TTC13: variants seen among roughly 807,000 people sequenced by gnomAD.
TTC13 encodes the protein tetratricopeptide repeat domain 13.
A neutral mutation model predicts 120.0 loss-of-function variants in TTC13; 62 were observed. The observed-to-expected ratio is 0.52, with a 90% CI of 0.42 to 0.64. The LOEUF is 0.64. TTC13 is among the 30% of genes least tolerant of loss of function. TTC13 has a pLI of 0.00. For synonymous variants in TTC13, 384 were observed against 393.5 expected (o/e 0.98, Z 0.28); for missense variants, 824 against 1,050.2 (o/e 0.78, Z 2.98).
intron 17 of TTC13, 131 bp downstream of exon 17, chr1:230,920,379 G>T (rs1324484555): frequency 6.9e-6 from 4 of 583,614 alleles, no homozygotes; most frequent in Middle Eastern, 2.9e-4. Flanking sequence ...TTTTATTTTG[G>T]TTATTATTCA....
chr1:230,943,084 G>A (rs1674659079), intron 6 of TTC13, among the ~76,000 whole-genome samples: 1 of 152,104 alleles, frequency 6.6e-6, no homozygotes, highest in African/African-American at 2.4e-5. Context: ...GCTTCCAAGG[G>A]CTGTGAATTC....
chr1:230,908,849 G>C (rs973598120), intron 21 of TTC13, 58 bp from the exon 22 acceptor site: 86 of 1,605,088 alleles, frequency 5.4e-5, no homozygotes, highest in Non-Finnish European at 7.0e-5. Flanking sequence ...GGCTCGGCTG[G>C]AGATCTATGT....
At position 230,924,931 on chromosome 1, in the gene TTC13, C is replaced by T. The variant is rs536933249; in HGVS notation, c.1631G>A (p.Arg544His). ...TCGAACTTTCGAGTTGGTCCATGTA[C>T]GCTGCACGGCTTGCATGACCTCCAA... is the stretch of plus-strand genomic sequence containing the variant. ...AALEVMQAVQ[R>H]TWTNSKVRMN... The change falls in exon 14 of 23, where the codon CGT becomes CAT. Residue 544 changes from arginine (R) to histidine (H), a missense_variant. Around this residue, in one of 4 missense-constraint regions of TTC13, gnomAD observed 430 missense variants for 626.8 expected, o/e 0.69. Coordinates refer to ENST00000366661, the MANE Select transcript of TTC13 (RefSeq NM_024525.5). 2.5e-5 allele frequency: 41 copies of T among 1,614,216 alleles called. No homozygotes were observed. The highest frequency in any genetic ancestry group is 1.0e-4 in the Admixed American group (6 of 60,030).
At chr1:230,977,304 T>C (rs1287980052) in intron 1 of TTC13, among the ~76,000 whole-genome samples, 1 of 152,152 alleles carries the variant, frequency 6.6e-6, no homozygotes, top group African/African-American at 2.4e-5. Flanking sequence ...GTGAGGAAAA[T>C]AAAACCCCAC....
At chr1:230,922,604 C>T (rs568457453) in intron 15 of TTC13, among the ~76,000 whole-genome samples, 2 of 152,212 alleles carry the variant, frequency 1.3e-5, no homozygotes, top group African/African-American at 2.4e-5. Context: ...CACCACCAGG[C>T]GTAATGAGTT....
chr1:230,970,932 G>A (rs1050056799), intron 1 of TTC13, among the ~76,000 whole-genome samples: 3 of 152,174 alleles, frequency 2.0e-5, no homozygotes, highest in Non-Finnish European at 4.4e-5. Flanking sequence ...CCCAGGTATA[G>A]GGTAAACCTG....
At chr1:230,957,307 G>A (rs1676185723) in intron 3 of TTC13, among the ~76,000 whole-genome samples, 1 of 152,140 alleles carries the variant, frequency 6.6e-6, no homozygotes, top group African/African-American at 2.4e-5. Flanking sequence ...AGGCACGGTG[G>A]TGTGCACCTG....
At chr1:230,943,631 C>T (rs892516383) in intron 6 of TTC13, among the ~76,000 whole-genome samples, 175 bp downstream of exon 6, 3 of 152,136 alleles carry the variant, frequency 2.0e-5, no homozygotes, top group African/African-American at 7.2e-5. Flanking sequence ...AGGAATATCA[C>T]TCAATCCATA....
intron 4 of TTC13, 136 bp from the exon 5 acceptor site, chr1:230,945,590 G>T: frequency 1.3e-6 from 1 of 768,192 alleles, no homozygotes; most frequent in South Asian, 1.4e-5. Context: ...AAGTCAATAC[G>T]CAGTCTCCAA....
In TTC13 at chr1:230,945,442, G is replaced by T. The variant is rs1674896663; in HGVS notation, c.526C>A (p.Leu176Met). Residue 176 changes from leucine (L) to methionine (M), a missense_variant, in exon 5 of 23, where the codon CTG (leucine) becomes ATG (methionine). By Grantham distance (15) the Leu-to-Met change is conservative. Around this residue, in one of 4 missense-constraint regions of TTC13, gnomAD observed 430 missense variants for 626.8 expected, o/e 0.69. Transcript: ENST00000366661. ...CCTCGGCCATAAATTGCACTAACCA[G>T]ATCAGGCTCCTCCTAGTCAGACCAA... ...FSTMLQEEPD[L>M]VSAIYGRGIA... 2 of 1,614,028 alleles carry T rather than the reference G, an allele frequency of 1.2e-6. No homozygotes were observed. The highest frequency in any genetic ancestry group is 1.7e-6 in the Non-Finnish European group (2 of 1,179,966).
chr1:230,918,247 A>G (rs4846879), intron 17 of TTC13, among the ~76,000 whole-genome samples: 71,955 of 152,084 alleles, frequency 0.47, 17,559 homozygotes, highest in Admixed American at 0.57. Flanking sequence ...AGTCTACTAT[A>G]TATAGCTTGG....
intron 3 of TTC13, among the ~76,000 whole-genome samples, 181 bp downstream of exon 3, chr1:230,958,043 T>C (rs889131782): frequency 6.6e-6 from 1 of 152,150 alleles, no homozygotes; most frequent in African/African-American, 2.4e-5. Flanking sequence ...CCAAACCTTT[T>C]TTTTTTCTCT....
At chr1:230,923,218 T>C (rs918028422) in intron 15 of TTC13, among the ~76,000 whole-genome samples, 5 of 152,126 alleles carry the variant, frequency 3.3e-5, no homozygotes, top group African/African-American at 1.2e-4. Context: ...TGATATCCTT[T>C]AATATTTGTT....
At chr1:230,966,195 G>A (rs2102984782) in intron 1 of TTC13, among the ~76,000 whole-genome samples, 1 of 152,186 alleles carries the variant, frequency 6.6e-6, no homozygotes, top group Admixed American at 6.5e-5. Flanking sequence ...ATATGGGGTA[G>A]AGGGTGATAT....
At chr1:230,929,557 G>A (rs901088719) in intron 11 of TTC13, among the ~76,000 whole-genome samples, 6 of 151,896 alleles carry the variant, frequency 4.0e-5, no homozygotes, top group Non-Finnish European at 5.9e-5. Flanking sequence ...CTTGTGATCC[G>A]CCTGCCTCAG....
At chr1:230,968,649 G>A (rs1335156569) in intron 1 of TTC13, among the ~76,000 whole-genome samples, 1 of 152,148 alleles carries the variant, frequency 6.6e-6, no homozygotes, top group African/African-American at 2.4e-5. Flanking sequence ...TTGAAATAGA[G>A]GGTCACGGTC....
chr1:230,961,640 T>TCTTG (rs1676647203), intron 1 of TTC13, among the ~76,000 whole-genome samples: 1 of 152,184 alleles, frequency 6.6e-6, no homozygotes, highest in South Asian at 2.1e-4. Flanking sequence ...TTTGCAAGTA[T>TCTTG]CTTGCACAAC....
chr1:230,938,742 T>G (rs1273650674), intron 8 of TTC13, among the ~76,000 whole-genome samples: 1 of 152,188 alleles, frequency 6.6e-6, no homozygotes, highest in Non-Finnish European at 1.5e-5. Flanking sequence ...ACTTCCTAAA[T>G]TACAGATTTG....
chr1:230,970,737 A>G (rs35801648), intron 1 of TTC13, among the ~76,000 whole-genome samples: 33,876 of 152,128 alleles, frequency 0.22, 3,946 homozygotes, highest in East Asian at 0.4. Context: ...CTGAAAGCTT[A>G]TAAGTGGCAA....
Sources: gnomAD v4.1 joint callset for allele counts (sites outside exome capture counted in the v4.1 genomes callset) on GRCh38, gnomAD v4.1.1 for gene constraint, gnomAD v4.1.1 regional missense constraint, MANE v1.5 for transcripts, NCBI Gene and HGNC (gene_info 2026-07-23, HGNC 2026-07-21) for gene names.